The following C4BPA variants were observed in gnomAD, a reference collection of about 807,000 sequenced individuals.
C4BPA encodes C4b-binding protein alpha chain.
Under a neutral mutation model 63.7 loss-of-function variants are expected in C4BPA, and 31 were observed. The ratio of observed to expected loss-of-function variants is 0.49; its 90% CI spans 0.37 to 0.66. The LOEUF is 0.66. Among genes scored for constraint, C4BPA ranks in the 30% least tolerant of loss-of-function variants. C4BPA has a pLI of 0.00. For missense variants in C4BPA, 572 were observed against 723.3 expected, an observed-to-expected ratio of 0.79 and a Z score of 2.40; for synonymous variants, 259 against 254.7, an observed-to-expected ratio of 1.02 and a Z score of -0.16.
chr1:207,114,399 T>C, intron 3 of C4BPA, 114 bp downstream of exon 3: 1 of 784,156 alleles, frequency 1.3e-6, no homozygotes, highest in Non-Finnish European at 2.0e-6. Context: ...CAATTACTGA[T>C]TTCAATGTAC....
intron 1 of C4BPA, among the ~76,000 whole-genome samples, chr1:207,106,577 G>C (rs1006674506): frequency 6.8e-6 from 1 of 147,096 alleles, no homozygotes; most frequent in African/African-American, 2.6e-5. Flanking sequence ...GAGTAGCTGG[G>C]ACTACAGGCG....
chr1:207,124,358 C>T lies in C4BPA; in HGVS notation c.698C>T (p.Thr233Ile), dbSNP rs1684987687. Residue 233 changes from threonine (T) to isoleucine (I), a missense_variant, in exon 6 of 12, where the codon ACC becomes ATC. This residue lies in a region of C4BPA where 465 missense variants were observed against 629.4 expected (regional missense o/e 0.74). Transcript: ENST00000367070. ...GGTGTTTGGAGACCAAGCCCTCCTA[C>T]CTGTGAAAGTAAGTCATAATGATGA... ...TIGVWRPSPP[T>I]CEKITCRKPD... The T allele has an allele frequency of 1.2e-6, 2 of 1,606,950 alleles. No individual in the cohort carries two copies. Among genetic ancestry groups the T allele is most frequent in the Non-Finnish European group, 1.7e-6 (2 of 1,174,252 alleles).
chr1:207,112,213 T>G (rs2102329895), intron 1 of C4BPA, among the ~76,000 whole-genome samples: 1 of 152,262 alleles, frequency 6.6e-6, no homozygotes, highest in African/African-American at 2.4e-5. Flanking sequence ...TGTGTGTGTG[T>G]GTTTATGATC....
At chr1:207,134,727 CCTT>C in intron 9 of C4BPA, 135 bp downstream of exon 9, 1 of 566,470 alleles carries the variant, frequency 1.8e-6, no homozygotes, top group South Asian at 2.8e-5. Flanking sequence ...CCAACTTTCT[CCTT>C]CTTCCTCATT....
intron 3 of C4BPA, among the ~76,000 whole-genome samples, chr1:207,115,029 T>C (rs1047027032): frequency 3.3e-5 from 5 of 152,226 alleles, no homozygotes; most frequent in Non-Finnish European, 7.3e-5. Context: ...TGTTTTCCAA[T>C]AGCAGGGGTA....
In C4BPA at chr1:207,114,136, C is replaced by T. The variant is rs17020956; in HGVS notation, c.179C>T (p.Ala60Val). Reference sequence around the variant, plus strand: ...CCTCCACCCACTTTATCATTTGCTGCCCCGATGGATATTACGTTGACTGAG... The same window carrying T: ...CCTCCACCCACTTTATCATTTGCTGTCCCGATGGATATTACGTTGACTGAG... Reference protein sequence around the residue: ...CGPPPTLSFAAPMDITLTETR... With the variant: ...CGPPPTLSFAVPMDITLTETR... Residue 60 changes from alanine to valine, a missense_variant, in exon 3 of 12, where the codon GCC becomes GTC. Ala to Val is a moderately conservative substitution (Grantham distance 64, BLOSUM62 0). Coordinates refer to ENST00000367070, the MANE Select transcript of C4BPA (RefSeq NM_000715.4). 5.0e-3 allele frequency: 8,044 copies of T among 1,613,178 alleles called. 352 individuals carry two copies. The African/African-American group carries it at 0.094, about 19-fold the overall frequency.
rs369304888 is a variant in C4BPA, at chr1:207,124,066, C to T, written c.514+59C>T. On this transcript the variant is annotated intron_variant, in intron 5 of 11. Coordinates refer to ENST00000367070, the MANE Select transcript of C4BPA (RefSeq NM_000715.4). ...TTAAACTCTGTTAGGTAATAAAGTC[C>T]CTGTGCATCTTTACAGGTATGTGTA... The T allele has an allele frequency of 1.8e-4, 270 of 1,488,098 alleles. 2 individuals carry two copies. In the African/African-American group the frequency reaches 3.2e-3, roughly 18 times the overall value. 92.2% of individuals were successfully genotyped at this position (1,488,098 alleles called of 1,614,324 possible).
chr1:207,123,861 C>T, intron 4 of C4BPA, 61 bp from the exon 5 acceptor site: 2 of 909,252 alleles, frequency 2.2e-6, no homozygotes, highest in Admixed American at 2.1e-5. Flanking sequence ...TTGCTCAGAC[C>T]TCTTTAATTT....
At chr1:207,115,706 C>G (rs2102333250) in intron 4 of C4BPA, among the ~76,000 whole-genome samples, 191 bp downstream of exon 4, 1 of 152,300 alleles carries the variant, frequency 6.6e-6, no homozygotes, top group Admixed American at 6.5e-5. Context: ...TCGTATATAT[C>G]TTTCTAGTGT....
chr1:207,131,486 T>C, intron 7 of C4BPA, 60 bp from the exon 8 acceptor site: 2 of 1,232,170 alleles, frequency 1.6e-6, no homozygotes, highest in Non-Finnish European at 2.3e-6. Flanking sequence ...GCTTATTGAC[T>C]GCTGTGGCAG....
At chr1:207,131,191 CA>C (rs1204674878) in intron 7 of C4BPA, among the ~76,000 whole-genome samples, 1 of 152,156 alleles carries the variant, frequency 6.6e-6, no homozygotes, top group African/African-American at 2.4e-5. Flanking sequence ...TTATTTTCCC[CA>C]ATCAATCAGT....
At chr1:207,120,220 G>A (rs1684893633) in intron 4 of C4BPA, among the ~76,000 whole-genome samples, 1 of 152,242 alleles carries the variant, frequency 6.6e-6, no homozygotes, top group South Asian at 2.1e-4. Context: ...CAACCTCCAA[G>A]CTTAATTTAG....
intron 4 of C4BPA, among the ~76,000 whole-genome samples, chr1:207,123,581 T>G (rs955050062): frequency 2.6e-5 from 4 of 152,120 alleles, no homozygotes; most frequent in African/African-American, 9.7e-5. Context: ...ATGGGGAGAT[T>G]GTGGACTCAG....
chr1:207,117,335 C>T (rs1684819620), intron 4 of C4BPA, among the ~76,000 whole-genome samples: 1 of 152,112 alleles, frequency 6.6e-6, no homozygotes, highest in African/African-American at 2.4e-5. Flanking sequence ...CTTCTAGTCC[C>T]AGCTATGCAA....
At chr1:207,141,528 A>C (rs751290213) in intron 10 of C4BPA, among the ~76,000 whole-genome samples, 32 of 152,232 alleles carry the variant, frequency 2.1e-4, no homozygotes, top group Non-Finnish European at 4.0e-4. Context: ...GGTTTCTTGT[A>C]TATTTCCAGA....
At chr1:207,116,367 T>G (rs968941401) in intron 4 of C4BPA, among the ~76,000 whole-genome samples, 2 of 26,238 alleles carry the variant, frequency 7.6e-5, no homozygotes, top group Non-Finnish European at 1.3e-4. Context: ...CTGGTTGTTG[T>G]TTTTTTTCCT....
chr1:207,114,257 C>A lies in C4BPA; in HGVS notation c.300C>A (p.Gly100=), dbSNP rs756182911. ...STQTLTCNSD[G]EWVYNTFCIY... ...AGACGCTTACCTGTAATTCTGATGGCGAATGGGTGTATAACACCTTCTGTA... is the reference window on the plus strand; with the variant it reads ...AGACGCTTACCTGTAATTCTGATGGAGAATGGGTGTATAACACCTTCTGTA... The change falls in exon 3 of 12, where the codon GGC becomes GGA. Residue 100 remains glycine (G), a synonymous_variant. Transcript: ENST00000367070. 6 of 1,612,836 alleles carry A rather than the reference C, an allele frequency of 3.7e-6. No individual in the cohort carries two copies. In the South Asian group the frequency reaches 5.5e-5, roughly 15 times the overall value.
chr1:207,115,274 G>A (rs1191346893), intron 3 of C4BPA, 142 bp from the exon 4 acceptor site: 3 of 537,474 alleles, frequency 5.6e-6, no homozygotes, highest in Non-Finnish European at 9.8e-6. Context: ...TTTGAGGTGA[G>A]TCAGGGTTAG....
intron 2 of C4BPA, among the ~76,000 whole-genome samples, 156 bp from the exon 3 acceptor site, chr1:207,113,944 T>C (rs933491088): frequency 2.0e-5 from 3 of 152,240 alleles, no homozygotes; most frequent in Non-Finnish European, 4.4e-5. Flanking sequence ...TCACTAGGTG[T>C]ATTGAACAGA....
Sources: allele counts gnomAD v4.1 joint callset (sites outside exome capture counted in the v4.1 genomes callset), GRCh38; gene constraint gnomAD v4.1.1; regional missense constraint gnomAD v4.1.1; transcripts MANE v1.5; gene names NCBI Gene and HGNC (gene_info 2026-07-23, HGNC 2026-07-21).